SCLT1: variants seen among roughly 807,000 people sequenced by gnomAD.
SCLT1 encodes the protein sodium channel and clathrin linker 1.
Under a neutral mutation model 112.8 loss-of-function variants are expected in SCLT1, and 78 were observed. The observed-to-expected ratio is 0.69, with a 90% CI of 0.58 to 0.83. The LOEUF (loss-of-function observed/expected upper bound fraction) is 0.83, where lower values mean the gene tolerates loss of function less well. Ranked by LOEUF, SCLT1 falls within the 40% of genes least tolerant of loss-of-function variation. The pLI, the probability that SCLT1 is intolerant of heterozygous loss-of-function variation, is 0.00. For synonymous variants in SCLT1, 257 were observed against 254.7 expected (o/e 1.01, Z -0.09); for missense variants, 747 against 770.4 (o/e 0.97, Z 0.36).
At chr4:128,931,958 T>C (rs1736809629) in intron 18 of SCLT1, among the ~76,000 whole-genome samples, 1 of 152,132 alleles carries the variant, frequency 6.6e-6, no homozygotes, top group African/African-American at 2.4e-5. Flanking sequence ...CTTTTTTTTT[T>C]TTTAACAATT....
intron 18 of SCLT1, among the ~76,000 whole-genome samples, chr4:128,911,522 C>A (rs1026156405): frequency 9.2e-5 from 14 of 152,112 alleles, no homozygotes; most frequent in African/African-American, 3.4e-4. Flanking sequence ...TACAGAAACT[C>A]AAATTTTTAA....
intron 11 of SCLT1, among the ~76,000 whole-genome samples, chr4:128,964,685 A>T (rs1221767369): frequency 1.3e-5 from 2 of 152,126 alleles, no homozygotes; most frequent in East Asian, 1.9e-4. Context: ...TTCTACTGTA[A>T]CTGTATTATT....
rs377286035 is a variant in SCLT1, at chr4:129,039,025, T to C, written c.290+16A>G. On this transcript the variant is annotated intron_variant, in intron 5 of 20. Coordinates refer to ENST00000281142, the MANE Select transcript of SCLT1 (RefSeq NM_144643.4). ...AGACAATAATAAAAGATAAAACCAA[T>C]AGTTAATTGATTTACCTTTCATTTT... 169 of 1,387,918 alleles carry C rather than the reference T, an allele frequency of 1.2e-4. 3 individuals are homozygous for C. The South Asian group carries it at 1.9e-3, about 15-fold the overall frequency. 86.0% of individuals were successfully genotyped at this position (1,387,918 alleles called of 1,614,324 possible).
intron 18 of SCLT1, among the ~76,000 whole-genome samples, chr4:128,929,573 T>C (rs1356384703): frequency 6.6e-6 from 1 of 152,170 alleles, no homozygotes; most frequent in East Asian, 1.9e-4. Context: ...TTTCAAATCT[T>C]GTAGTTGTTT....
chr4:128,900,339 A>G (rs192176327), intron 18 of SCLT1, among the ~76,000 whole-genome samples: 1,897 of 152,350 alleles, frequency 0.012, 35 homozygotes, highest in African/African-American at 0.042. Flanking sequence ...ATACAGACCA[A>G]TGGAACAGAA....
At chr4:129,025,767 G>A (rs568934234) in intron 5 of SCLT1, among the ~76,000 whole-genome samples, 159 of 152,054 alleles carry the variant, frequency 1.0e-3, no homozygotes, top group African/African-American at 3.3e-3. Flanking sequence ...ATTGGATAAA[G>A]AGTCAAGACA....
chr4:129,006,093 C>T (rs1360293397), intron 5 of SCLT1, among the ~76,000 whole-genome samples: 6 of 150,964 alleles, frequency 4.0e-5, no homozygotes, highest in Admixed American at 4.0e-4. Flanking sequence ...GTGCAGCACA[C>T]CAGCATGGCA....
chr4:129,010,482 T>C (rs1744420334), intron 5 of SCLT1, among the ~76,000 whole-genome samples: 1 of 152,252 alleles, frequency 6.6e-6, no homozygotes, highest in African/African-American at 2.4e-5. Flanking sequence ...AGGAATAGCA[T>C]TAGATGTATA....
In SCLT1 at chr4:129,059,257, G is replaced by A. The variant is rs190706125; in HGVS notation, c.103-15206C>T. Among the ~76,000 whole-genome samples, 7 of 152,234 alleles carry A rather than the reference G, an allele frequency of 4.6e-5. No homozygotes were observed. The East Asian group carries it at 1.4e-3, about 29-fold the overall frequency. Reference sequence around the variant, plus strand: ...CAGCATGTCTTTATCTTTTAAGTGGGAAATGGAATCCATTTAGATTCATGG... The same window carrying A: ...CAGCATGTCTTTATCTTTTAAGTGGAAAATGGAATCCATTTAGATTCATGG... On this transcript the variant is annotated intron_variant, in intron 2 of 20. Transcript: ENST00000281142.
At chr4:128,998,229 T>A (rs1345011992) in intron 7 of SCLT1, among the ~76,000 whole-genome samples, 4 of 151,812 alleles carry the variant, frequency 2.6e-5, no homozygotes, top group Admixed American at 6.6e-5. Context: ...AAGAAAGAGA[T>A]CATAAAAAAT....
At chr4:129,025,010 A>G (rs1222812619) in intron 5 of SCLT1, among the ~76,000 whole-genome samples, 1 of 152,222 alleles carries the variant, frequency 6.6e-6, no homozygotes, top group Non-Finnish European at 1.5e-5. Flanking sequence ...AAAAGAATAA[A>G]AAGAAACAAA....
At chr4:129,025,349 T>A (rs1745947243) in intron 5 of SCLT1, among the ~76,000 whole-genome samples, 1 of 152,214 alleles carries the variant, frequency 6.6e-6, no homozygotes, top group Non-Finnish European at 1.5e-5. Flanking sequence ...ACAGCGGATC[T>A]CTTGGCAGAA....
At chr4:128,980,639 T>G (rs1468136260) in intron 9 of SCLT1, among the ~76,000 whole-genome samples, 1 of 152,106 alleles carries the variant, frequency 6.6e-6, no homozygotes, top group Non-Finnish European at 1.5e-5. Context: ...TATTTAAGGC[T>G]CTAGCACCCA....
intron 18 of SCLT1, among the ~76,000 whole-genome samples, chr4:128,917,924 C>G (rs1410556873): frequency 6.6e-6 from 1 of 152,024 alleles, no homozygotes; most frequent in Admixed American, 6.6e-5. Flanking sequence ...TAAAGTGAAC[C>G]ATATCTGAAA....
chr4:129,060,107 A>T (rs975514938), intron 2 of SCLT1, among the ~76,000 whole-genome samples: 6 of 152,156 alleles, frequency 3.9e-5, no homozygotes, highest in African/African-American at 1.4e-4. Context: ...TGCTTGATCA[A>T]GTCTCTCCTT....
chr4:128,995,630 C>T (rs1038028451), intron 8 of SCLT1, among the ~76,000 whole-genome samples: 2 of 152,008 alleles, frequency 1.3e-5, no homozygotes, highest in African/African-American at 4.8e-5. Context: ...AGGCCTCTAC[C>T]AACTCTTTCC....
At chr4:128,912,617 C>T (rs1735186709) in intron 18 of SCLT1, among the ~76,000 whole-genome samples, 1 of 152,054 alleles carries the variant, frequency 6.6e-6, no homozygotes, top group African/African-American at 2.4e-5. Context: ...AATCTACTGC[C>T]TTCTAGAACT....
At chr4:129,004,011 A>C in intron 5 of SCLT1, 135 bp from the exon 6 acceptor site, 1 of 752,368 alleles carries the variant, frequency 1.3e-6, no homozygotes, top group Non-Finnish European at 2.2e-6. Flanking sequence ...TCAAATAAAA[A>C]ATTAGAAGTG....
At chr4:129,057,969 C>T (rs961900118) in intron 2 of SCLT1, among the ~76,000 whole-genome samples, 8 of 152,040 alleles carry the variant, frequency 5.3e-5, no homozygotes, top group African/African-American at 2.4e-5. Context: ...CCAGGCTGCT[C>T]CTGAACTGGC....
Sources: gnomAD v4.1 joint callset for allele counts (sites outside exome capture counted in the v4.1 genomes callset) on GRCh38, gnomAD v4.1.1 for gene constraint, MANE v1.5 for transcripts, NCBI Gene and HGNC (gene_info 2026-07-23, HGNC 2026-07-21) for gene names.